Variants in OGG1 observed in about 807,000 individuals in gnomAD.
The protein encoded by OGG1 is N-glycosylase/DNA lyase.
In OGG1, 35 loss-of-function variants were observed where a neutral mutation model predicts 42.3. The ratio of observed to expected loss-of-function variants is 0.83; its 90% confidence interval spans 0.63 to 1.10. The LOEUF is 1.10. Ranked by LOEUF, OGG1 falls within the 50% of genes least tolerant of loss-of-function variation. The pLI is 0.00. For missense variants in OGG1, 484 were observed against 446.7 expected (o/e 1.08, Z -0.75); for synonymous variants, 189 against 179.0 (o/e 1.06, Z -0.44).
At chr3:9,773,170 A>G (rs1179162912) in intron 2 of OGG1, among the ~76,000 whole-genome samples, 1 of 151,390 alleles carries the variant, frequency 6.6e-6, no homozygotes, top group Non-Finnish European at 1.5e-5. Flanking sequence ...TGGAAGTTGC[A>G]GTGAGCTGAG....
In OGG1 at chr3:9,757,041, C is replaced by A. The variant is rs377441621; in HGVS notation, c.949-20C>A. 1.6e-5 allele frequency: 26 copies of A among 1,614,056 alleles called. 1 individual carries two copies. In the African/African-American group the frequency reaches 2.8e-4, roughly 17 times the overall value. Reference sequence around the variant, plus strand: ...ACCCCAGTGTACCCTCCTCCCCACACAGACTCCACCCTCCTACAGGTGCTG... The same window carrying A: ...ACCCCAGTGTACCCTCCTCCCCACAAAGACTCCACCCTCCTACAGGTGCTG... On this transcript the variant is annotated intron_variant, in intron 6 of 6. Coordinates refer to ENST00000344629, the MANE Select transcript of OGG1 (RefSeq NM_002542.6). This position sits in a 1 kb window ranked among gnomAD's most constrained non-coding sequence, Gnocchi z 4.5.
chr3:9,765,330 C>T (rs919135707), intron 7 of OGG1, among the ~76,000 whole-genome samples: 2 of 151,992 alleles, frequency 1.3e-5, no homozygotes, highest in South Asian at 2.1e-4. Flanking sequence ...GGTTTCATAT[C>T]AGCATGAGCA....
intron 7 of OGG1, chr3:9,763,385 C>CA (rs2077982760): frequency 1.9e-5 from 3 of 159,328 alleles, no homozygotes; most frequent in Admixed American, 8.6e-5. Flanking sequence ...GCCTGGGCAA[C>CA]AGAGTAAGAC....
At chr3:9,785,244 C>T in intron 3 of OGG1, 1 of 1,257,732 alleles carries the variant, frequency 8.0e-7, no homozygotes, top group Admixed American at 1.9e-5. Flanking sequence ...TGAGGACTTC[C>T]CCAGGTTGAG....
intron 3 of OGG1, among the ~76,000 whole-genome samples, chr3:9,785,751 C>T (rs975193634): frequency 3.3e-5 from 5 of 152,200 alleles, no homozygotes; most frequent in Non-Finnish European, 7.3e-5. Context: ...GCTAGCTGTC[C>T]GAATGCCATA....
chr3:9,785,018 G>A (rs2078573743), intron 3 of OGG1, among the ~76,000 whole-genome samples: 1 of 152,008 alleles, frequency 6.6e-6, no homozygotes, highest in Non-Finnish European at 1.5e-5. Flanking sequence ...TATACTTGCA[G>A]CTATATGATT....
Position 9,756,402 on chromosome 3 carries a change from G to C in OGG1, c.748-69G>C, listed in dbSNP as rs1428944779. 8 of 1,545,894 alleles carry C rather than the reference G, an allele frequency of 5.2e-6. No homozygotes were observed. In the Admixed American group the frequency reaches 1.2e-4, roughly 23 times the overall value. ...GTGAAGGAGAAAGCAGCCGGCTTTGGGGCTATAAGCAAGATGCTGGCCACA... is the reference window on the plus strand; with the variant it reads ...GTGAAGGAGAAAGCAGCCGGCTTTGCGGCTATAAGCAAGATGCTGGCCACA... On this transcript the variant is annotated intron_variant, in intron 4 of 6. Transcript: ENST00000344629.
intron 2 of OGG1, among the ~76,000 whole-genome samples, chr3:9,775,557 G>C (rs565664362): frequency 1.4e-4 from 22 of 152,058 alleles, no homozygotes; most frequent in African/African-American, 5.3e-4. Context: ...TGTTACTTCA[G>C]AATGTGATTC....
At chr3:9,760,511 G>A, downstream of OGG1, 6 of 722,932 alleles carry the variant, frequency 8.3e-6, no homozygotes. Context: ...AAGGAAGAAG[G>A]GGTAGGGTGT....
intron 7 of OGG1, chr3:9,762,801 TG>T: frequency 1.9e-6 from 2 of 1,028,982 alleles, no homozygotes; most frequent in Non-Finnish European, 1.5e-6. Context: ...ACTTTGTAGA[TG>T]GAAATCCAAG....
chr3:9,774,428 A>C (rs868364367), intron 2 of OGG1, among the ~76,000 whole-genome samples: 63 of 134,186 alleles, frequency 4.7e-4, no homozygotes, highest in Non-Finnish European at 5.9e-4. Context: ...AAAAAAAAAA[A>C]CAAAACTTTA....
chr3:9,773,628 T>C (rs2078329212), intron 2 of OGG1, among the ~76,000 whole-genome samples: 1 of 129,942 alleles, frequency 7.7e-6, no homozygotes, highest in South Asian at 2.4e-4. Flanking sequence ...TGATCTTTTC[T>C]TCTTTTTTTT....
Position 9,753,480 on chromosome 3 carries a change from G to A in OGG1, c.566-1224G>A, listed in dbSNP as rs569282111. On this transcript the variant is annotated intron_variant, in intron 3 of 6. Transcript: ENST00000344629. ...ATCCTGCCTAATACGGTGAAACCCCGTCTCTACTAAAAATACAAAAAAAAT... is the reference window on the plus strand; with the variant it reads ...ATCCTGCCTAATACGGTGAAACCCCATCTCTACTAAAAATACAAAAAAAAT... Among the ~76,000 whole-genome samples, 19 of 151,966 alleles carry A rather than the reference G, an allele frequency of 1.3e-4. 1 individual carries two copies. The South Asian group carries it at 2.5e-3, about 20-fold the overall frequency.
At chr3:9,759,965 G>A (rs982576391), downstream of OGG1, 35 of 606,420 alleles carry the variant, frequency 5.8e-5, no homozygotes, top group South Asian at 1.8e-4. Context: ...ACATATGGCC[G>A]GGCACAGTGG....
exon 8 of OGG1, chr3:9,765,958 T>TC: frequency 5.6e-6 from 9 of 1,614,010 alleles, no homozygotes; most frequent in Non-Finnish European, 6.8e-6. Context: ...TCTCCTCCAT[T>TC]CCCTATGGGT....
At chr3:9,775,238 C>CA (rs1222209779) in intron 2 of OGG1, among the ~76,000 whole-genome samples, 1,824 of 149,684 alleles carry the variant, frequency 0.012, 17 homozygotes, top group Non-Finnish European at 0.017. Context: ...GACCCTGTCT[C>CA]AAAAAAAAAC....
intron 2 of OGG1, among the ~76,000 whole-genome samples, chr3:9,773,203 TG>T (rs2125606230): frequency 7.0e-6 from 1 of 143,064 alleles, no homozygotes; most frequent in East Asian, 2.0e-4. Flanking sequence ...TACTCCAGCC[TG>T]GGTGACACGG....
downstream of OGG1, chr3:9,760,540 CTT>C: frequency 9.7e-7 from 1 of 1,035,908 alleles, no homozygotes; most frequent in Non-Finnish European, 1.5e-6. Flanking sequence ...GAAGACAGCT[CTT>C]TGTGTGGTGC....
chr3:9,751,233 T>A, intron 2 of OGG1, 41 bp downstream of exon 2: 1 of 1,605,168 alleles, frequency 6.2e-7, no homozygotes, highest in Non-Finnish European at 8.5e-7. Context: ...TTCTTGGACA[T>A]AAGTCACTTC....
Sources: allele counts gnomAD v4.1 joint callset (sites outside exome capture counted in the v4.1 genomes callset), GRCh38; gene constraint gnomAD v4.1.1; non-coding constraint Gnocchi (gnomAD v3.1); transcripts MANE v1.5; gene names NCBI Gene and HGNC (gene_info 2026-07-23, HGNC 2026-07-21).